CTBP2: variants seen among roughly 807,000 people sequenced by gnomAD.
CTBP2 encodes the protein C-terminal binding protein 2.
In CTBP2, 30 loss-of-function variants were observed where a neutral mutation model predicts 80.3. The ratio of observed to expected loss-of-function variants is 0.37; its 90% CI spans 0.28 to 0.51. The LOEUF is 0.51. CTBP2 is among the 20% of genes least tolerant of loss of function. The probability of loss-of-function intolerance (pLI) is 0.93; values close to 1 mark genes in which losing one functional copy is unlikely to be tolerated. For synonymous variants in CTBP2, 594 were observed against 587.4 expected (o/e 1.01, Z -0.16); for missense variants, 1,212 against 1,375.3 (o/e 0.88, Z 1.88).
chr10:125,130,468 T>C (rs535340449), intron 1 of CTBP2, among the ~76,000 whole-genome samples: 78 of 152,270 alleles, frequency 5.1e-4, no homozygotes, highest in South Asian at 2.7e-3. Context: ...CGCTGCCAAA[T>C]GCCACACGAC....
intron 1 of CTBP2, among the ~76,000 whole-genome samples, chr10:125,129,345 G>C (rs2136112192): frequency 6.6e-6 from 1 of 152,130 alleles, no homozygotes; most frequent in South Asian, 2.1e-4. Flanking sequence ...TAACCAAATG[G>C]CACACTTAAG....
chr10:125,077,055 G>A (rs1451444230), intron 2 of CTBP2, among the ~76,000 whole-genome samples: 2 of 152,106 alleles, frequency 1.3e-5, no homozygotes, highest in Admixed American at 6.6e-5. Flanking sequence ...GATGCGCCAC[G>A]CCTCCATTTT....
intron 2 of CTBP2, among the ~76,000 whole-genome samples, chr10:125,109,586 C>T (rs999997462): frequency 2.6e-5 from 4 of 152,248 alleles, no homozygotes; most frequent in African/African-American, 9.6e-5. Flanking sequence ...TTCCATCAGA[C>T]TTCCAGTTCC....
rs536172072 is a variant in CTBP2 at position 125,062,079 on chromosome 10, A to G, written c.-101-22924T>C. ...CCTGTGTGTTTCACTTCCTGTTTCAATTGCTAAACCGAGAGGGCCCTTAGC... is the reference window on the plus strand; with the variant it reads ...CCTGTGTGTTTCACTTCCTGTTTCAGTTGCTAAACCGAGAGGGCCCTTAGC... On this transcript the variant is annotated intron_variant, in intron 2 of 10. Transcript: ENST00000337195. Among the ~76,000 whole-genome samples, 4 of 152,232 alleles carry G rather than the reference A, an allele frequency of 2.6e-5. No homozygotes were observed. The East Asian group carries it at 7.7e-4, about 29-fold the overall frequency.
chr10:124,994,064 C>T lies in CTBP2; in HGVS notation c.2401-79G>A, dbSNP rs111768849. ...TTGTACCAAGGTTTAAAGAAGAAAG[C>T]TGCAAGCTAGTTTTGTTGGTCTGGT... On this transcript the variant is annotated intron_variant, in intron 5 of 8. Coordinates refer to ENST00000309035, the MANE Select transcript of CTBP2 (RefSeq NM_022802.3). 5.0e-3 allele frequency: 7,833 copies of T among 1,571,230 alleles called. 169 individuals are homozygous for T. The African/African-American group carries it at 0.055, about 11-fold the overall frequency.
chr10:125,044,672 C>A (rs569093864), intron 2 of CTBP2, among the ~76,000 whole-genome samples: 1 of 152,190 alleles, frequency 6.6e-6, no homozygotes, highest in Non-Finnish European at 1.5e-5. Context: ...AAGGCTGAGA[C>A]GGGCAGCTCT....
At chr10:125,122,155 C>A (rs555780555) in intron 1 of CTBP2, among the ~76,000 whole-genome samples, 11 of 152,204 alleles carry the variant, frequency 7.2e-5, no homozygotes, top group Non-Finnish European at 1.3e-4. Flanking sequence ...TTGATTCATG[C>A]GCATCAAGTC....
chr10:125,049,355 A>C (rs1231334244), intron 2 of CTBP2, among the ~76,000 whole-genome samples: 1 of 152,198 alleles, frequency 6.6e-6, no homozygotes, highest in African/African-American at 2.4e-5. Context: ...GTGATACAGC[A>C]CATGCTTGGC....
rs565151104 is a variant in CTBP2, at chr10:125,114,564, G to A, written c.-205-3471C>T. On this transcript the variant is annotated intron_variant, in intron 1 of 10. Transcript: ENST00000337195. Reference sequence around the variant, plus strand: ...GTGTTTTGTTCTTATACTAAGTCAGGCATACAAAAATTACGTTTTAGGTCT... The same window carrying A: ...GTGTTTTGTTCTTATACTAAGTCAGACATACAAAAATTACGTTTTAGGTCT... Among the ~76,000 whole-genome samples, 6 of 152,068 alleles carry A rather than the reference G, an allele frequency of 3.9e-5. No homozygotes were observed. In the South Asian group the frequency reaches 1.2e-3, roughly 32 times the overall value.
At chr10:125,116,692 G>A (rs1294990024) in intron 1 of CTBP2, among the ~76,000 whole-genome samples, 2 of 152,188 alleles carry the variant, frequency 1.3e-5, no homozygotes, top group Admixed American at 6.5e-5. Context: ...TATGTGGGAA[G>A]GGGAGGACTC....
intron 2 of CTBP2, among the ~76,000 whole-genome samples, chr10:125,059,358 G>C (rs1964543898): frequency 6.6e-6 from 1 of 151,968 alleles, no homozygotes; most frequent in Admixed American, 6.6e-5. Context: ...AGGCGGGCAG[G>C]TCACTTGAGG....
chr10:125,146,562 C>T (rs1858816402), intron 1 of CTBP2, among the ~76,000 whole-genome samples: 3 of 152,178 alleles, frequency 2.0e-5, no homozygotes, highest in African/African-American at 7.2e-5. Flanking sequence ...GGGTTATAGG[C>T]ATGAGCCACC....
At chr10:125,158,096 C>T (rs900227528) in intron 1 of CTBP2, among the ~76,000 whole-genome samples, 2 of 151,612 alleles carry the variant, frequency 1.3e-5, no homozygotes, top group Non-Finnish European at 2.9e-5. Flanking sequence ...CCTTTGAAAT[C>T]AAGTGATTAC....
chr10:125,142,151 G>A (rs1046981978), intron 1 of CTBP2, among the ~76,000 whole-genome samples: 2 of 152,260 alleles, frequency 1.3e-5, no homozygotes, highest in Admixed American at 6.5e-5. Context: ...CCTACTTTGC[G>A]GAGGAGGTGG....
At position 124,994,989 on chromosome 10, in the gene CTBP2, A is replaced by G. The variant is rs565618480; in HGVS notation, c.2186-306T>C. On this transcript the variant is annotated intron_variant, in intron 4 of 8. Coordinates refer to ENST00000309035, the MANE Select transcript of CTBP2 (RefSeq NM_022802.3). ...ATTTTCAAACACAGAGTGTTCTGACAAGCCCACATGCCCCTCCCATCACCA... is the reference window on the plus strand; with the variant it reads ...ATTTTCAAACACAGAGTGTTCTGACGAGCCCACATGCCCCTCCCATCACCA... Among the ~76,000 whole-genome samples, 4 of 152,348 alleles carry G rather than the reference A, an allele frequency of 2.6e-5. No homozygotes were observed. In the South Asian group the frequency reaches 8.3e-4, roughly 32 times the overall value.
At position 125,097,102 on chromosome 10, in the gene CTBP2, A is replaced by G. The variant is rs565811671; in HGVS notation, c.-102+13888T>C. ...CATTCTAAACTATTACATGCCTCCA[A>G]TTAATTTTTGCAGCTTTTGCCTGAA... is the stretch of plus-strand genomic sequence containing the variant. On this transcript the variant is annotated intron_variant, in intron 2 of 10. Coordinates refer to the CTBP2 transcript ENST00000337195. Among the ~76,000 whole-genome samples, 90 of 152,334 alleles carry G rather than the reference A, an allele frequency of 5.9e-4. 2 individuals carry two copies. The South Asian group carries it at 0.018, about 30-fold the overall frequency.
intron 1 of CTBP2, among the ~76,000 whole-genome samples, chr10:125,014,057 C>T (rs1001768912): frequency 1.3e-5 from 2 of 152,208 alleles, no homozygotes; most frequent in Non-Finnish European, 2.9e-5. Flanking sequence ...CTAGATCTTG[C>T]AGCCTAAAAG....
intron 2 of CTBP2, among the ~76,000 whole-genome samples, chr10:125,039,560 C>T (rs900640235): frequency 1.3e-5 from 2 of 152,224 alleles, no homozygotes; most frequent in African/African-American, 4.8e-5. Flanking sequence ...CAGACGCACA[C>T]CGTGGCGACT....
intron 2 of CTBP2, among the ~76,000 whole-genome samples, chr10:125,101,713 A>G (rs1329262345): frequency 6.6e-6 from 1 of 152,228 alleles, no homozygotes; most frequent in Non-Finnish European, 1.5e-5. Context: ...TCATTGCAAC[A>G]TAGACCACAG....
Sources: allele counts gnomAD v4.1 joint callset (sites outside exome capture counted in the v4.1 genomes callset), GRCh38; gene constraint gnomAD v4.1.1; transcripts MANE v1.5; gene names NCBI Gene and HGNC (gene_info 2026-07-23, HGNC 2026-07-21).